Variants in SLC4A3 observed in about 807,000 individuals in gnomAD.
SLC4A3 encodes solute carrier family 4 member 3.
SLC4A3 carries 47 observed loss-of-function variants against 114.2 expected under a neutral mutation model. The observed-to-expected ratio is 0.41, with a 90% CI of 0.33 to 0.52. SLC4A3 has a LOEUF of 0.52. Ranked by LOEUF, SLC4A3 falls within the 20% of genes least tolerant of loss-of-function variation. The pLI is 0.21. For synonymous variants in SLC4A3, 693 were observed against 710.3 expected (o/e 0.98, Z 0.39); for missense variants, 1,312 against 1,668.3 (o/e 0.79, Z 3.72).
At position 219,639,123 on chromosome 2, in the gene SLC4A3, A is replaced by C. The variant is rs955725169; in HGVS notation, c.3023+254A>C. ...CCCGTGATGGTTTGACATGACATCT[A>C]TCTGTTGCCACCACTCTTTGCAGGG... On this transcript the variant is annotated intron_variant, in intron 19 of 22. Coordinates refer to ENST00000358055, the MANE Select transcript of SLC4A3 (RefSeq NM_005070.4). This position sits in a 1 kb window ranked among gnomAD's most constrained non-coding sequence, Gnocchi z 5.9. 6.6e-6 allele frequency among the ~76,000 whole-genome samples: 1 copy of C among 152,086 alleles called. No individual in the cohort carries two copies. Among genetic ancestry groups the C allele is most frequent in the African/African-American group, 2.4e-5 (1 of 41,400 alleles).
rs1574660801 is a variant in SLC4A3, at chr2:219,640,964, T to G, written c.3621+2T>G. On this transcript the variant is annotated splice_donor_variant, in intron 22 of 22. Coordinates refer to ENST00000358055, the MANE Select transcript of SLC4A3 (RefSeq NM_005070.4). LOFTEE classifies it high-confidence loss of function. ...TTCCAGGACAGGGAGCTGCAGGCGG[T>G]AAGGGGGTGGTGGTCTGGGGAAACA... The G allele has an allele frequency of 6.2e-7, 1 of 1,603,782 alleles. No homozygotes were observed. Among genetic ancestry groups the G allele is most frequent in the Non-Finnish European group, 8.5e-7 (1 of 1,179,744 alleles).
At position 219,630,186 on chromosome 2, in the gene SLC4A3, C is replaced by T. The variant is rs559059275; in HGVS notation, c.645C>T (p.Leu215=). The change falls in exon 6 of 23, where the codon CTC becomes CTT. Residue 215 remains leucine, a synonymous_variant. Coordinates refer to ENST00000358055, the MANE Select transcript of SLC4A3 (RefSeq NM_005070.4). This position sits in a 1 kb window ranked among gnomAD's most constrained non-coding sequence, Gnocchi z 6.9. The stretch of plus-strand genomic sequence containing the variant: ...GCCCCCGGGCCCGGGCCTCCCGACT[C>T]GCTGGGGAGAAAAGCCGGCCCTGGA... The part of the protein sequence containing the change: ...SPSPRARASR[L]AGEKSRPWSP... The T allele has an allele frequency of 1.1e-5, 18 of 1,612,656 alleles. No individual in the cohort carries two copies. The highest frequency in any genetic ancestry group is 6.6e-5 in the South Asian group (6 of 91,016).
chr2:219,629,075 T>G, intron 3 of SLC4A3, 69 bp from the exon 4 acceptor site: 1 of 1,492,912 alleles, frequency 6.7e-7, no homozygotes, highest in Non-Finnish European at 8.9e-7. Flanking sequence ...CTGGAAGGTG[T>G]GTGCCCTCGG....
chr2:219,640,376 C>G, intron 20 of SLC4A3, 54 bp from the exon 21 acceptor site: 2 of 1,568,214 alleles, frequency 1.3e-6, no homozygotes, highest in East Asian at 4.5e-5. Flanking sequence ...CCAGGCCTGT[C>G]CATCCTCACG....
chr2:219,628,275 C>A lies in SLC4A3; in HGVS notation c.52-130C>A. Reference sequence around the variant, plus strand: ...TGGTTTCTGGGATGCTGACACAGGCCTGGGAGCAAGGGGAGGGGGCCCGAT... The same window carrying A: ...TGGTTTCTGGGATGCTGACACAGGCATGGGAGCAAGGGGAGGGGGCCCGAT... On this transcript the variant is annotated intron_variant, in intron 2 of 22. Transcript: ENST00000358055. The surrounding 1 kb of genome is among the most constrained non-coding windows in gnomAD (Gnocchi z 4.8). 2 of 1,040,106 alleles carry A rather than the reference C, an allele frequency of 1.9e-6. No individual in the cohort carries two copies. The highest frequency in any genetic ancestry group is 2.8e-6 in the Non-Finnish European group (2 of 727,146). 64.4% of individuals were successfully genotyped at this position (1,040,106 alleles called of 1,614,324 possible). A position where few individuals can be genotyped will look rare whatever the true frequency, so the allele number is the denominator to read the frequency against.
At chr2:219,629,838 G>T in intron 5 of SLC4A3, 143 bp downstream of exon 5, 1 of 325,686 alleles carries the variant, frequency 3.1e-6, no homozygotes, top group Admixed American at 4.9e-5. Context: ...GGAGGGGGGT[G>T]GGGATCCTTC....
chr2:219,638,331 C>A lies in SLC4A3; in HGVS notation c.2856+78C>A. On this transcript the variant is annotated intron_variant, in intron 18 of 22. Coordinates refer to ENST00000358055, the MANE Select transcript of SLC4A3 (RefSeq NM_005070.4). The surrounding 1 kb of genome is among the most constrained non-coding windows in gnomAD (Gnocchi z 7.5). ...GAGCCCACAACACACTTCCATGGGC[C>A]CTGGGATTGGGATCAGGCCTGAACT... The A allele has an allele frequency of 8.5e-7, 1 of 1,169,778 alleles. No homozygotes were observed. The highest frequency in any genetic ancestry group is 1.2e-6 in the Non-Finnish European group (1 of 800,224). The allele number at this position is 1,169,778 out of a possible 1,614,324, so 72.5% of individuals were successfully genotyped here. A position where few individuals can be genotyped will look rare whatever the true frequency, so the allele number is the denominator to read the frequency against.
chr2:219,639,232 A>G lies in SLC4A3; in HGVS notation c.3024-250A>G, dbSNP rs1699233769. On this transcript the variant is annotated intron_variant, in intron 19 of 22. Coordinates refer to ENST00000358055, the MANE Select transcript of SLC4A3 (RefSeq NM_005070.4). The surrounding 1 kb of genome is among the most constrained non-coding windows in gnomAD (Gnocchi z 5.9). ...ACATGTATCTAATTTTGGTTAAACC[A>G]CAATAACGTGGTAAGATCTGGCATC... Among the ~76,000 whole-genome samples, 2 of 152,212 alleles carry G rather than the reference A, an allele frequency of 1.3e-5. No individual in the cohort carries two copies. Among genetic ancestry groups the G allele is most frequent in the Non-Finnish European group, 2.9e-5 (2 of 68,032 alleles).
chr2:219,637,805 G>A lies in SLC4A3; in HGVS notation c.2760G>A (p.Gly920=). 6.2e-7 allele frequency: 1 copy of A among 1,612,218 alleles called. No homozygotes were observed. The highest frequency in any genetic ancestry group is 8.5e-7 in the Non-Finnish European group (1 of 1,178,334). ...AGTTCAGGAACAGCCGCTTCCTGGG[G>A]GGCAAGGTGCGTGGCTGCTGGGTGT... The part of the protein sequence containing the change: ...LRKFRNSRFL[G]GKARRIIGDF... The change falls in exon 17 of 23, where the codon GGG becomes GGA. Residue 920 remains glycine, a synonymous_variant. Coordinates refer to ENST00000358055, the MANE Select transcript of SLC4A3 (RefSeq NM_005070.4). The surrounding 1 kb of genome is among the most constrained non-coding windows in gnomAD (Gnocchi z 4.6).
rs966831281 is a variant in SLC4A3 at position 219,639,100 on chromosome 2, C to T, written c.3023+231C>T. Among the ~76,000 whole-genome samples, 4 of 152,008 alleles carry T rather than the reference C, an allele frequency of 2.6e-5. No homozygotes were observed. The highest frequency in any genetic ancestry group is 4.4e-5 in the Non-Finnish European group (3 of 68,014). ...ATCCGGGGCAGGGGCATGGTTTCCC[C>T]GTGATGGTTTGACATGACATCTATC... On this transcript the variant is annotated intron_variant, in intron 19 of 22. Coordinates refer to ENST00000358055, the MANE Select transcript of SLC4A3 (RefSeq NM_005070.4). This position sits in a 1 kb window ranked among gnomAD's most constrained non-coding sequence, Gnocchi z 5.9.
intron 5 of SLC4A3, 22 bp downstream of exon 5, chr2:219,629,717 C>T (rs757680389): frequency 6.6e-7 from 1 of 1,523,018 alleles, no homozygotes; most frequent in Non-Finnish European, 9.0e-7. Flanking sequence ...AGCCTCTACT[C>T]AGCAGGGCCC....
chr2:219,637,526 G>T lies in SLC4A3; in HGVS notation c.2536-55G>T, dbSNP rs1407791595. The T allele has an allele frequency of 3.0e-6, 3 of 987,278 alleles. No individual in the cohort carries two copies. The East Asian group carries it at 7.2e-5, about 24-fold the overall frequency. 61.2% of individuals were successfully genotyped at this position (987,278 alleles called of 1,614,324 possible). A position where few individuals can be genotyped will look rare whatever the true frequency, so the allele number is the denominator to read the frequency against. On this transcript the variant is annotated intron_variant, in intron 16 of 22. Coordinates refer to ENST00000358055, the MANE Select transcript of SLC4A3 (RefSeq NM_005070.4). The surrounding 1 kb of genome is among the most constrained non-coding windows in gnomAD (Gnocchi z 4.6). ...CTCTCACAGGTGTACTGATGACGAT[G>T]AAGTCAGGTCACCTGCCAGGTGAGT... is the stretch of plus-strand genomic sequence containing the variant.
intron 4 of SLC4A3, 53 bp from the exon 5 acceptor site, chr2:219,629,527 G>A: frequency 6.3e-7 from 1 of 1,584,092 alleles, no homozygotes; most frequent in Non-Finnish European, 8.7e-7. Context: ...GGTAGGGTTG[G>A]GGGCTGTATG....
chr2:219,632,083 G>T lies in SLC4A3; in HGVS notation c.927G>T (p.Lys309Asn). 6.2e-7 allele frequency: 1 copy of T among 1,613,828 alleles called. No homozygotes were observed. The highest frequency in any genetic ancestry group is 8.5e-7 in the Non-Finnish European group (1 of 1,179,976). ...SGLAPILRRK[K>N]KKKKLDRRPH... ...TGGCCCCCATCCTTCGCAGGAAGAAGAAGAAGAAAAAGCTGGACCGGAGGC... is the reference window on the plus strand; with the variant it reads ...TGGCCCCCATCCTTCGCAGGAAGAATAAGAAGAAAAAGCTGGACCGGAGGC... Residue 309 changes from lysine (K) to asparagine (N), a missense_variant, in exon 7 of 23, where the codon AAG becomes AAT. By Grantham distance (94) the Lys-to-Asn change is moderately conservative (BLOSUM62 0). This residue lies in a region of SLC4A3 where 771 missense variants were observed against 977.7 expected (regional missense o/e 0.79). Coordinates refer to ENST00000358055, the MANE Select transcript of SLC4A3 (RefSeq NM_005070.4).
chr2:219,636,493 C>T lies in SLC4A3; in HGVS notation c.2340+43C>T. On this transcript the variant is annotated intron_variant, in intron 15 of 22. Coordinates refer to ENST00000358055, the MANE Select transcript of SLC4A3 (RefSeq NM_005070.4). This position sits in a 1 kb window ranked among gnomAD's most constrained non-coding sequence, Gnocchi z 5.5. Reference sequence around the variant, plus strand: ...CCTGCTCCATCCATCCTGCCCCACACTCTTCCTTACCTACATCCTGCCCCA... The same window carrying T: ...CCTGCTCCATCCATCCTGCCCCACATTCTTCCTTACCTACATCCTGCCCCA... 1.3e-6 allele frequency: 2 copies of T among 1,544,630 alleles called. No homozygotes were observed. Among genetic ancestry groups the T allele is most frequent in the Non-Finnish European group, 1.7e-6 (2 of 1,150,484 alleles).
intron 5 of SLC4A3, among the ~76,000 whole-genome samples, 186 bp downstream of exon 5, chr2:219,629,881 AAG>A: frequency 1.2e-4 from 1 of 8,578 alleles, no homozygotes; most frequent in East Asian, 0.011. Flanking sequence ...AGGAGAGAAC[AAG>A]GGGGGGGGGA....
rs1698847630 is a variant in SLC4A3 at position 219,629,638 on chromosome 2, C to T, written c.554C>T (p.Thr185Ile). 6.2e-7 allele frequency: 1 copy of T among 1,613,220 alleles called. No individual in the cohort carries two copies. Among genetic ancestry groups the T allele is most frequent in the Non-Finnish European group, 8.5e-7 (1 of 1,179,818 alleles). The change falls in exon 5 of 23, where the codon ACC becomes ATC. Residue 185 changes from threonine to isoleucine, a missense_variant. Around this residue, in one of 4 missense-constraint regions of SLC4A3, gnomAD observed 771 missense variants for 977.7 expected, o/e 0.79. Coordinates refer to ENST00000358055, the MANE Select transcript of SLC4A3 (RefSeq NM_005070.4). ...GGCCTCCCTGGGAGGGCTGCTGTCA[C>T]CAAGCCCCTGCCCTCGGTGGGCCCA... is the stretch of plus-strand genomic sequence containing the variant. ...SPGLPGRAAV[T>I]KPLPSVGPHT...
In SLC4A3 at chr2:219,638,975, C is replaced by A; in HGVS notation, c.3023+106C>A. On this transcript the variant is annotated intron_variant, in intron 19 of 22. Coordinates refer to ENST00000358055, the MANE Select transcript of SLC4A3 (RefSeq NM_005070.4). This position sits in a 1 kb window ranked among gnomAD's most constrained non-coding sequence, Gnocchi z 7.5. ...GGACATCATTATCAGTATCAGGGTG[C>A]TGGGTGGTGGGAGCTGGTGGCAATC... 1 of 1,282,834 alleles carries A rather than the reference C, an allele frequency of 7.8e-7. No homozygotes were observed. Among genetic ancestry groups the A allele is most frequent in the Non-Finnish European group, 1.1e-6 (1 of 911,584 alleles). 79.5% of individuals were successfully genotyped at this position (1,282,834 alleles called of 1,614,324 possible). A position where few individuals can be genotyped will look rare whatever the true frequency, so the allele number is the denominator to read the frequency against.
chr2:219,635,833 T>C lies in SLC4A3; in HGVS notation c.2133T>C (p.Ala711=), dbSNP rs1413619556. Residue 711 remains alanine (A), a synonymous_variant, in exon 14 of 23, where the codon GCT becomes GCC. Coordinates refer to ENST00000358055, the MANE Select transcript of SLC4A3 (RefSeq NM_005070.4). ...RDALHSQCVA[A]VLFIYFAALS... ...CGCTGCACTCCCAGTGTGTGGCCGC[T>C]GTGCTCTTCATCTACTTCGCAGCCC... The C allele has an allele frequency of 2.5e-6, 4 of 1,584,860 alleles. No homozygotes were observed. Among genetic ancestry groups the C allele is most frequent in the Non-Finnish European group, 2.6e-6 (3 of 1,167,052 alleles).
Sources: allele counts gnomAD v4.1 joint callset (sites outside exome capture counted in the v4.1 genomes callset), GRCh38; gene constraint gnomAD v4.1.1; regional missense constraint gnomAD v4.1.1; non-coding constraint Gnocchi (gnomAD v3.1); transcripts MANE v1.5; gene names NCBI Gene and HGNC (gene_info 2026-07-23, HGNC 2026-07-21).